Variants in ANTXR2 observed in about 807,000 individuals in gnomAD.
ANTXR2 encodes ANTXR cell adhesion molecule 2.
In ANTXR2, 44 loss-of-function variants were observed where a neutral mutation model predicts 73.7. The ratio of observed to expected loss-of-function variants is 0.60; its 90% CI spans 0.47 to 0.77. The LOEUF (loss-of-function observed/expected upper bound fraction) is 0.77. ANTXR2 is among the 30% of genes least tolerant of loss of function. The probability of loss-of-function intolerance (pLI) is 0.00; values close to 1 mark genes in which losing one functional copy is unlikely to be tolerated. For synonymous variants in ANTXR2, 217 were observed against 205.9 expected, an observed-to-expected ratio of 1.05 and a Z score of -0.46; for missense variants, 604 against 592.5, an observed-to-expected ratio of 1.02 and a Z score of -0.20.
Position 79,902,043 on chromosome 4 carries a change from A to G in ANTXR2, c.*5386T>C, listed in dbSNP as rs1369557743. On this transcript the variant is annotated 3_prime_UTR_variant, in exon 17 of 17. Transcript: ENST00000403729. ...GGGGATGGGATCCCTGCTCTAGAAG[A>G]CTAGTTCTTGCCTTCTTGCCAATTA... 3 of 152,290 alleles carry G rather than the reference A, an allele frequency of 2.0e-5. No homozygotes were observed. In the East Asian group the frequency reaches 5.8e-4, roughly 29 times the overall value. 9.4% of individuals were successfully genotyped at this position (152,290 alleles called of 1,614,324 possible). A position where few individuals can be genotyped will look rare whatever the true frequency, so the allele number is the denominator to read the frequency against.
At chr4:80,001,309 C>T (rs1424740653) in intron 12 of ANTXR2, among the ~76,000 whole-genome samples, 1 of 123,324 alleles carries the variant, frequency 8.1e-6, no homozygotes, top group Non-Finnish European at 1.7e-5. Context: ...GATGCTATCC[C>T]TCCCCCCTCC....
intron 12 of ANTXR2, among the ~76,000 whole-genome samples, chr4:79,996,399 T>C (rs888846958): frequency 6.6e-6 from 1 of 151,898 alleles, no homozygotes; most frequent in Non-Finnish European, 1.5e-5. Flanking sequence ...ATTACACAGA[T>C]AGTTATATTT....
Position 79,983,860 on chromosome 4 carries a change from T to A in ANTXR2, c.1179+18A>T, listed in dbSNP as rs774269525. 6.3e-7 allele frequency: 1 copy of A among 1,582,974 alleles called. No individual in the cohort carries two copies. Among genetic ancestry groups the A allele is most frequent in the Non-Finnish European group, 8.7e-7 (1 of 1,152,368 alleles). ...ATACTCCAGATTAGCAGCTTCTATT[T>A]TTTTTTAAGATACCAACCTCCATTC... On this transcript the variant is annotated intron_variant, in intron 14 of 16. Transcript: ENST00000403729.
At chr4:80,001,303 C>T (rs1371559474) in intron 12 of ANTXR2, among the ~76,000 whole-genome samples, 1 of 146,042 alleles carries the variant, frequency 6.8e-6, no homozygotes, top group African/African-American at 2.5e-5. Context: ...TCTCCCGATG[C>T]TATCCCTCCC....
At chr4:79,999,036 C>T (rs2110041987) in intron 12 of ANTXR2, among the ~76,000 whole-genome samples, 1 of 152,154 alleles carries the variant, frequency 6.6e-6, no homozygotes. Flanking sequence ...TGAAAAGACT[C>T]TTTAGTATGA....
intron 12 of ANTXR2, among the ~76,000 whole-genome samples, chr4:80,005,136 T>C (rs1560975956): frequency 6.6e-6 from 1 of 152,132 alleles, no homozygotes; most frequent in East Asian, 1.9e-4. Flanking sequence ...ATGTGACAGA[T>C]ATTGAGATTT....
chr4:79,935,813 G>A (rs1728239803), intron 16 of ANTXR2, among the ~76,000 whole-genome samples: 1 of 152,152 alleles, frequency 6.6e-6, no homozygotes, highest in Non-Finnish European at 1.5e-5. Flanking sequence ...TACGTTGTTG[G>A]CTACTTGTGT....
intron 15 of ANTXR2, 116 bp from the exon 16 acceptor site, chr4:79,977,817 A>T (rs1232505794): frequency 2.4e-6 from 3 of 1,256,560 alleles, no homozygotes; most frequent in Non-Finnish European, 3.3e-6. Flanking sequence ...TTTCTTTCAT[A>T]AGGTAAACTA....
At chr4:80,010,354 A>G (rs1731512883) in intron 11 of ANTXR2, among the ~76,000 whole-genome samples, 1 of 152,194 alleles carries the variant, frequency 6.6e-6, no homozygotes, top group Non-Finnish European at 1.5e-5. Flanking sequence ...CAAATGTATA[A>G]ATCTTGATCT....
At position 80,072,467 on chromosome 4, in the gene ANTXR2, G is replaced by C. The variant is rs1463290646; in HGVS notation, c.94C>G (p.Arg32Gly). ...CTGCAGGAGGGCTGCTCCTGGGCGC[G>C]CAGCAGCCCCCCGGGACCGCTGAGC... is the stretch of plus-strand genomic sequence containing the variant. ...LVLSGPGGLL[R>G]AQEQPSCRRA... Residue 32 changes from arginine (R) to glycine (G), a missense_variant, in exon 1 of 17, where the codon CGC (arginine) becomes GGC (glycine). Physicochemically the swap from Arg to Gly is moderately radical, Grantham distance 125 (BLOSUM62 -2). Transcript: ENST00000403729. 2 of 1,610,258 alleles carry C rather than the reference G, an allele frequency of 1.2e-6. No individual in the cohort carries two copies. The highest frequency in any genetic ancestry group is 1.7e-6 in the Non-Finnish European group (2 of 1,178,486).
At chr4:79,907,563 C>T (rs1726966878) in intron 16 of ANTXR2, 96 bp from the exon 17 acceptor site, 6 of 1,340,272 alleles carry the variant, frequency 4.5e-6, no homozygotes, top group Middle Eastern at 1.9e-4. Flanking sequence ...TAAATGATTA[C>T]CCAAGGAAAG....
intron 10 of ANTXR2, among the ~76,000 whole-genome samples, chr4:80,030,217 C>CA (rs958800446): frequency 2.0e-5 from 3 of 151,820 alleles, no homozygotes; most frequent in Non-Finnish European, 1.5e-5. Flanking sequence ...AGAAAGAAAT[C>CA]AATAATGACT....
intron 9 of ANTXR2, among the ~76,000 whole-genome samples, 165 bp downstream of exon 9, chr4:80,033,307 T>C (rs1732785242): frequency 6.6e-6 from 1 of 151,894 alleles, no homozygotes; most frequent in South Asian, 2.1e-4. Flanking sequence ...ATTAAATAAC[T>C]ATTAAATAAT....
At chr4:79,932,508 G>T (rs1728095341) in intron 16 of ANTXR2, among the ~76,000 whole-genome samples, 1 of 151,984 alleles carries the variant, frequency 6.6e-6, no homozygotes, top group Non-Finnish European at 1.5e-5. Context: ...TTTAGCATGT[G>T]ATGGCCAGGA....
At chr4:80,005,228 A>C (rs1467741200) in intron 12 of ANTXR2, among the ~76,000 whole-genome samples, 1 of 152,144 alleles carries the variant, frequency 6.6e-6, no homozygotes, top group East Asian at 1.9e-4. Flanking sequence ...TGGATAGCTG[A>C]CACACCATAA....
intron 16 of ANTXR2, among the ~76,000 whole-genome samples, chr4:79,909,942 A>G (rs1408038759): frequency 6.6e-6 from 1 of 152,176 alleles, no homozygotes; most frequent in African/African-American, 2.4e-5. Context: ...GCCACACTAC[A>G]TCGTGCCATA....
chr4:80,000,153 C>T (rs1560966789), intron 12 of ANTXR2, among the ~76,000 whole-genome samples: 2 of 151,968 alleles, frequency 1.3e-5, no homozygotes, highest in Non-Finnish European at 2.9e-5. Context: ...AAAAGTTGAA[C>T]TGCTTCTACT....
chr4:79,944,306 A>G (rs1281377801), intron 16 of ANTXR2, among the ~76,000 whole-genome samples: 1 of 101,694 alleles, frequency 9.8e-6, no homozygotes, highest in Non-Finnish European at 2.0e-5. Context: ...GTAACACATT[A>G]CATTAAGTAT....
chr4:80,020,930 C>T (rs1256158104), intron 10 of ANTXR2, among the ~76,000 whole-genome samples: 4 of 151,876 alleles, frequency 2.6e-5, no homozygotes, highest in South Asian at 2.1e-4. Flanking sequence ...GGGTAGATCA[C>T]GAGGTCAGGA....
Sources: allele counts gnomAD v4.1 joint callset (sites outside exome capture counted in the v4.1 genomes callset), GRCh38; gene constraint gnomAD v4.1.1; transcripts MANE v1.5; gene names NCBI Gene and HGNC (gene_info 2026-07-23, HGNC 2026-07-21).